The following TENM2 variants were observed in gnomAD, a reference collection of about 807,000 sequenced individuals.
TENM2 encodes teneurin transmembrane protein 2.
In TENM2, 52 loss-of-function variants were observed where a neutral mutation model predicts 245.2. The observed-to-expected ratio is 0.21, with a 90% CI of 0.17 to 0.27. The LOEUF (loss-of-function observed/expected upper bound fraction) is 0.27, where lower values mean the gene tolerates loss of function less well. TENM2 is among the 10% of genes least tolerant of loss of function. The probability of loss-of-function intolerance (pLI) is 1.00; values close to 1 mark genes in which losing one functional copy is unlikely to be tolerated. For synonymous variants in TENM2, 1,363 were observed against 1,438.9 expected (o/e 0.95, Z 1.19); for missense variants, 3,046 against 3,666.8 (o/e 0.83, Z 4.37).
chr5:167,463,143 T>G (rs1468415907), intron 2 of TENM2, among the ~76,000 whole-genome samples: 1 of 152,190 alleles, frequency 6.6e-6, no homozygotes, highest in East Asian at 1.9e-4. Context: ...ATTTCCTAGT[T>G]CAGTATCTAC....
chr5:167,562,300 G>A (rs752413244), intron 2 of TENM2, among the ~76,000 whole-genome samples: 41 of 151,566 alleles, frequency 2.7e-4, no homozygotes, highest in Non-Finnish European at 5.3e-4. Context: ...ATCTAGTTGG[G>A]CAAAGAGGCA....
At chr5:168,024,350 G>A (rs574621796) in intron 5 of TENM2, among the ~76,000 whole-genome samples, 9 of 152,242 alleles carry the variant, frequency 5.9e-5, no homozygotes, top group African/African-American at 1.7e-4. Flanking sequence ...GTTACGTATC[G>A]CCAGCCACTC....
intron 2 of TENM2, among the ~76,000 whole-genome samples, chr5:167,854,803 C>T (rs1472592774): frequency 6.6e-6 from 1 of 152,128 alleles, no homozygotes; most frequent in East Asian, 1.9e-4. Flanking sequence ...CTCAAACCCA[C>T]ATTAACCCAT....
intron 2 of TENM2, among the ~76,000 whole-genome samples, chr5:167,531,664 C>A (rs1226805931): frequency 2.0e-5 from 3 of 151,950 alleles, no homozygotes; most frequent in African/African-American, 7.3e-5. Context: ...CTCACCCACC[C>A]CTTTCTCCTC....
intron 5 of TENM2, among the ~76,000 whole-genome samples, chr5:168,002,757 A>G (rs1784507020): frequency 6.6e-6 from 1 of 152,238 alleles, no homozygotes; most frequent in African/African-American, 2.4e-5. Flanking sequence ...TATGTTAATT[A>G]ATTTACAGTT....
At chr5:168,220,368 C>G (rs1763567297) in intron 23 of TENM2, among the ~76,000 whole-genome samples, 1 of 152,146 alleles carries the variant, frequency 6.6e-6, no homozygotes, top group South Asian at 2.1e-4. Flanking sequence ...CATAAAGAAG[C>G]TTGGGTTCAA....
chr5:167,137,173 G>C, the TENM2 span, among the ~76,000 whole-genome samples: 2 of 151,996 alleles, frequency 1.3e-5, no homozygotes, highest in Non-Finnish European at 2.9e-5. Context: ...TCTTCCCAAA[G>C]GTTCAAATAT....
At chr5:167,683,223 T>C (rs1756851394) in intron 2 of TENM2, among the ~76,000 whole-genome samples, 2 of 151,746 alleles carry the variant, frequency 1.3e-5, no homozygotes, top group South Asian at 2.1e-4. Context: ...TATCCTCTAA[T>C]ATCTCTGTGA....
At chr5:167,544,956 C>A (rs950720551) in intron 2 of TENM2, among the ~76,000 whole-genome samples, 1 of 152,094 alleles carries the variant, frequency 6.6e-6, no homozygotes, top group Admixed American at 6.6e-5. Flanking sequence ...AATATAGCAG[C>A]GTCCAAATAC....
chr5:168,249,242 A>G (rs1242051974), intron 27 of TENM2, among the ~76,000 whole-genome samples: 1 of 152,190 alleles, frequency 6.6e-6, no homozygotes, highest in East Asian at 1.9e-4. Context: ...AGTGAGCGTA[A>G]GTATCGAGAT....
At chr5:167,306,136 G>A (rs985920702) in intron 1 of TENM2, 7 of 152,216 alleles carry the variant, frequency 4.6e-5, no homozygotes, top group Non-Finnish European at 8.8e-5. Flanking sequence ...TGGAGACTCG[G>A]AGTTGTTCAA....
chr5:168,203,762 A>T, exon 18 of TENM2: 8 of 1,613,652 alleles, frequency 5.0e-6, no homozygotes, highest in Non-Finnish European at 6.8e-6. Flanking sequence ...TCCTTCAGGG[A>T]TTCGAGCTGG....
intron 2 of TENM2, among the ~76,000 whole-genome samples, chr5:167,427,528 G>A (rs187665023): frequency 3.6e-4 from 53 of 146,350 alleles, no homozygotes; most frequent in African/African-American, 1.3e-3. Context: ...GGGAGGGAGG[G>A]AAGGATGGGA....
intron 5 of TENM2, among the ~76,000 whole-genome samples, chr5:168,037,850 C>T (rs893371817): frequency 4.6e-5 from 7 of 152,174 alleles, no homozygotes; most frequent in African/African-American, 1.7e-4. Flanking sequence ...TCAGGGTCAC[C>T]ATCTGTCTAT....
At chr5:167,749,445 C>G (rs1761811404) in intron 2 of TENM2, among the ~76,000 whole-genome samples, 1 of 152,066 alleles carries the variant, frequency 6.6e-6, no homozygotes, top group Non-Finnish European at 1.5e-5. Flanking sequence ...CAAGACCAGC[C>G]TGGCCAACTT....
At chr5:167,625,144 C>G (rs922557026) in intron 2 of TENM2, among the ~76,000 whole-genome samples, 9 of 152,252 alleles carry the variant, frequency 5.9e-5, no homozygotes, top group Middle Eastern at 3.4e-3. Flanking sequence ...GAGGGCTCAT[C>G]ATCATCAGAT....
the TENM2 span, among the ~76,000 whole-genome samples, chr5:167,221,322 T>A: frequency 1.3e-5 from 2 of 152,120 alleles, no homozygotes; most frequent in Admixed American, 6.5e-5. Flanking sequence ...AGAAAAGCAA[T>A]GAAATGAATG....
At chr5:167,092,973 A>T in the TENM2 span, among the ~76,000 whole-genome samples, 1 of 152,140 alleles carries the variant, frequency 6.6e-6, no homozygotes, top group Non-Finnish European at 1.5e-5. Flanking sequence ...TTTTACCCTC[A>T]TACCATGGTT....
chr5:167,216,747 G>GTC, the TENM2 span, among the ~76,000 whole-genome samples: 1,985 of 152,196 alleles, frequency 0.013, 25 homozygotes, highest in Middle Eastern at 0.031. Flanking sequence ...TCAACATGGT[G>GTC]AAACCCCTGT....
Sources: allele counts gnomAD v4.1 joint callset (sites outside exome capture counted in the v4.1 genomes callset), GRCh38; gene constraint gnomAD v4.1.1; transcripts MANE v1.5; gene names NCBI Gene and HGNC (gene_info 2026-07-23, HGNC 2026-07-21).